The following UBASH3B variants were observed in gnomAD, a reference collection of about 807,000 sequenced individuals.
The protein encoded by UBASH3B is ubiquitin associated and SH3 domain containing B, also known as ubiquitin-associated and SH3 domain-containing protein B.
Under a neutral mutation model 83.4 loss-of-function variants are expected in UBASH3B, and 37 were observed. The observed-to-expected ratio is 0.44, with a 90% CI of 0.34 to 0.58. The LOEUF is 0.58. Among genes scored for constraint, UBASH3B ranks in the 20% least tolerant of loss-of-function variants. The probability of loss-of-function intolerance (pLI) is 0.01; values close to 1 mark genes in which losing one functional copy is unlikely to be tolerated. For missense variants in UBASH3B, 657 were observed against 827.2 expected, an observed-to-expected ratio of 0.79 and a Z score of 2.52; for synonymous variants, 304 against 318.3, an observed-to-expected ratio of 0.96 and a Z score of 0.48.
At chr11:122,713,170 G>C (rs578019702) in intron 1 of UBASH3B, among the ~76,000 whole-genome samples, 12 of 152,208 alleles carry the variant, frequency 7.9e-5, no homozygotes, top group Middle Eastern at 3.4e-3. Flanking sequence ...GCCTCCCAAA[G>C]TACTGGGATT....
chr11:122,759,944 C>T lies in UBASH3B; in HGVS notation c.162-16275C>T, dbSNP rs183703853. 1.3e-5 allele frequency among the ~76,000 whole-genome samples: 2 copies of T among 152,310 alleles called. No homozygotes were observed. The highest frequency in any genetic ancestry group is 3.9e-4 in the East Asian group (2 of 5,180). On this transcript the variant is annotated intron_variant, in intron 1 of 13. Transcript: ENST00000284273. The surrounding 1 kb of genome is among the most constrained non-coding windows in gnomAD (Gnocchi z 4.1). ...AGAGGTAAGTCATAGGTCTCACCTA[C>T]ACTTGAGGGGAGGGAATTATACAAA...
At chr11:122,755,749 G>A (rs950172818) in intron 1 of UBASH3B, among the ~76,000 whole-genome samples, 2 of 152,124 alleles carry the variant, frequency 1.3e-5, no homozygotes. Flanking sequence ...AGGCTTTGTC[G>A]ACTCAGGCCC....
intron 1 of UBASH3B, among the ~76,000 whole-genome samples, chr11:122,687,468 C>T (rs78755032): frequency 0.032 from 4,909 of 152,050 alleles, 272 homozygotes; most frequent in African/African-American, 0.11. Flanking sequence ...TACTCTTCTG[C>T]GAAGGGGAAA....
Position 122,656,081 on chromosome 11 carries a change from G to A in UBASH3B, c.32G>A (p.Gly11Asp). Reference protein sequence around the residue: MAQYGHPSPLGMAAREELYSK... With the variant: MAQYGHPSPLDMAAREELYSK... ...CAGTACGGCCACCCCAGTCCGCTCG[G>A]CATGGCTGCGAGAGAGGAGCTGTAC... Residue 11 changes from glycine to aspartate, a missense_variant, in exon 1 of 14, where the codon GGC becomes GAC. Transcript: ENST00000284273. 6.2e-7 allele frequency: 1 copy of A among 1,600,942 alleles called. No homozygotes were observed. The highest frequency in any genetic ancestry group is 1.7e-5 in the Admixed American group (1 of 58,968).
At chr11:122,789,011 G>A (rs1861004095) in intron 5 of UBASH3B, 89 bp from the exon 6 acceptor site, 6 of 1,240,228 alleles carry the variant, frequency 4.8e-6, no homozygotes, top group Non-Finnish European at 7.0e-6. Flanking sequence ...GAGGTGTGCA[G>A]TATTAATGCA....
At chr11:122,690,198 A>AAT (rs1565530275) in intron 1 of UBASH3B, among the ~76,000 whole-genome samples, 13 of 23,758 alleles carry the variant, frequency 5.5e-4, no homozygotes, top group East Asian at 3.5e-3. Flanking sequence ...ATATATATAT[A>AAT]TATATATATA....
chr11:122,791,287 T>C (rs1379277065), intron 6 of UBASH3B, among the ~76,000 whole-genome samples: 1 of 152,228 alleles, frequency 6.6e-6, no homozygotes, highest in African/African-American at 2.4e-5. Flanking sequence ...ACTCTCCCAC[T>C]TACCAGCTGT....
chr11:122,802,784 C>A (rs1482707833), intron 11 of UBASH3B, among the ~76,000 whole-genome samples: 1 of 152,130 alleles, frequency 6.6e-6, no homozygotes, highest in Non-Finnish European at 1.5e-5. Flanking sequence ...CACTGGTTTT[C>A]TGTTCTTTGC....
chr11:122,687,517 T>TA (rs1468143847), intron 1 of UBASH3B, among the ~76,000 whole-genome samples: 1 of 152,088 alleles, frequency 6.6e-6, no homozygotes, highest in Admixed American at 6.5e-5. Context: ...AGGTGTGTTG[T>TA]ATTGGGGGGG....
intron 1 of UBASH3B, among the ~76,000 whole-genome samples, chr11:122,736,382 C>G (rs1016945279): frequency 3.3e-5 from 5 of 151,894 alleles, no homozygotes; most frequent in Non-Finnish European, 7.4e-5. Flanking sequence ...GCATGGGCAT[C>G]ATGCTAGAAG....
chr11:122,809,229 C>G (rs1016272644), intron 13 of UBASH3B, among the ~76,000 whole-genome samples: 1 of 152,130 alleles, frequency 6.6e-6, no homozygotes, highest in African/African-American at 2.4e-5. Context: ...CACATGCCAC[C>G]ACGCCCAGCT....
intron 5 of UBASH3B, among the ~76,000 whole-genome samples, chr11:122,787,957 A>G (rs1359072305): frequency 6.6e-6 from 1 of 152,220 alleles, no homozygotes; most frequent in South Asian, 2.1e-4. Context: ...TTTCCTTACT[A>G]TTGAGGTCTC....
chr11:122,719,878 CCT>C (rs1384458217), intron 1 of UBASH3B, among the ~76,000 whole-genome samples: 1 of 152,152 alleles, frequency 6.6e-6, no homozygotes, highest in Non-Finnish European at 1.5e-5. Context: ...GGCGATCAGT[CCT>C]CTCTCGATGC....
At chr11:122,692,115 G>A (rs1232125229) in intron 1 of UBASH3B, among the ~76,000 whole-genome samples, 1 of 152,058 alleles carries the variant, frequency 6.6e-6, no homozygotes, top group Non-Finnish European at 1.5e-5. Flanking sequence ...TTCCTCACTT[G>A]GAAATTGGCA....
rs1182171948 is a variant in UBASH3B at position 122,777,038 on chromosome 11, T to C, written c.230T>C (p.Val77Ala). 6.2e-7 allele frequency: 1 copy of C among 1,609,630 alleles called. No individual in the cohort carries two copies. The highest frequency in any genetic ancestry group is 1.7e-5 in the Admixed American group (1 of 59,294). ...CTGTCTTACAGGTTATTCTCCCATG[T>C]CGGTGACCCCTTCCTGGATGACCCC... ...QAACDWLFSH[V>A]GDPFLDDPLP... Residue 77 changes from valine (V) to alanine (A), a missense_variant, in exon 3 of 14, where the codon GTC becomes GCC. This residue lies in a region of UBASH3B where 573 missense variants were observed against 739.0 expected (regional missense o/e 0.78). Coordinates refer to ENST00000284273, the MANE Select transcript of UBASH3B (RefSeq NM_032873.5).
At chr11:122,687,549 C>T (rs553262322) in intron 1 of UBASH3B, among the ~76,000 whole-genome samples, 4 of 152,238 alleles carry the variant, frequency 2.6e-5, no homozygotes, top group Non-Finnish European at 5.9e-5. Context: ...GGAGGGACCA[C>T]GAGAAAGATA....
At chr11:122,713,230 A>G (rs1417631654) in intron 1 of UBASH3B, among the ~76,000 whole-genome samples, 7 of 152,098 alleles carry the variant, frequency 4.6e-5, no homozygotes, top group Non-Finnish European at 1.0e-4. Context: ...TTTCACACAG[A>G]GGAGTTGAGG....
rs554714624 is a variant in UBASH3B, at chr11:122,710,105, G to A, written c.161+53895G>A. Reference sequence around the variant, plus strand: ...CAGGAGGCAGAGGCTGCAGTGAGCCGAGGTCATACCACTGCACTCCAGCCT... The same window carrying A: ...CAGGAGGCAGAGGCTGCAGTGAGCCAAGGTCATACCACTGCACTCCAGCCT... On this transcript the variant is annotated intron_variant, in intron 1 of 13. Coordinates refer to ENST00000284273, the MANE Select transcript of UBASH3B (RefSeq NM_032873.5). 8.1e-4 allele frequency among the ~76,000 whole-genome samples: 119 copies of A among 147,164 alleles called. 1 individual carries two copies. Among genetic ancestry groups the A allele is most frequent in the African/African-American group, 2.9e-3 (116 of 39,472 alleles).
chr11:122,697,106 G>T (rs994022319), intron 1 of UBASH3B, among the ~76,000 whole-genome samples: 1 of 152,076 alleles, frequency 6.6e-6, no homozygotes, highest in African/African-American at 2.4e-5. Flanking sequence ...ATTAGGGTTT[G>T]GGGGGGAAGT....
Sources: gnomAD v4.1 joint callset for allele counts (sites outside exome capture counted in the v4.1 genomes callset) on GRCh38, gnomAD v4.1.1 for gene constraint, gnomAD v4.1.1 regional missense constraint, Gnocchi (gnomAD v3.1) non-coding constraint, MANE v1.5 for transcripts, NCBI Gene and HGNC (gene_info 2026-07-23, HGNC 2026-07-21) for gene names.